Variants in PXK observed in about 807,000 individuals in gnomAD.
The protein encoded by PXK is PX domain containing serine/threonine kinase like.
In PXK, 35 loss-of-function variants were observed where a neutral mutation model predicts 84.7. The observed-to-expected ratio is 0.41, with a 90% CI of 0.32 to 0.55. PXK has a LOEUF of 0.55. Ranked by LOEUF, PXK falls within the 20% of genes least tolerant of loss-of-function variation. The pLI is 0.21. For missense variants in PXK, 634 were observed against 699.7 expected, an observed-to-expected ratio of 0.91 and a Z score of 1.06; for synonymous variants, 253 against 260.8, an observed-to-expected ratio of 0.97 and a Z score of 0.29.
chr3:58,384,379 T>C (rs1175141878), intron 4 of PXK, among the ~76,000 whole-genome samples: 1 of 152,180 alleles, frequency 6.6e-6, no homozygotes, highest in Non-Finnish European at 1.5e-5. Context: ...GAAAATGCCT[T>C]TCTAGAGTGT....
chr3:58,365,825 A>T, intron 1 of PXK, 49 bp from the exon 2 acceptor site: 1 of 1,393,334 alleles, frequency 7.2e-7, no homozygotes, highest in South Asian at 1.4e-5. Context: ...TGCTTTGGGA[A>T]TCAAACTCAG....
chr3:58,420,150 T>A (rs964046292), intron 17 of PXK, among the ~76,000 whole-genome samples: 7 of 152,266 alleles, frequency 4.6e-5, no homozygotes, highest in African/African-American at 1.7e-4. Flanking sequence ...ATAATAGAAC[T>A]AAGCACACTC....
At chr3:58,395,514 C>T (rs1265325178) in intron 8 of PXK, 144 bp from the exon 9 acceptor site, 4 of 631,572 alleles carry the variant, frequency 6.3e-6, no homozygotes, top group Admixed American at 6.0e-5. Flanking sequence ...ACAATGCAGA[C>T]TGTCGTATTT....
chr3:58,394,021 C>G (rs1157869632), intron 7 of PXK, among the ~76,000 whole-genome samples: 1 of 152,094 alleles, frequency 6.6e-6, no homozygotes, highest in Non-Finnish European at 1.5e-5. Flanking sequence ...TTGACTTGTA[C>G]AGTTTAAATG....
chr3:58,399,665 G>A lies in PXK; in HGVS notation c.1181+288G>A, dbSNP rs2058269577. On this transcript the variant is annotated intron_variant, in intron 12 of 17. Transcript: ENST00000356151. This position sits in a 1 kb window ranked among gnomAD's most constrained non-coding sequence, Gnocchi z 4.3. The stretch of plus-strand genomic sequence containing the variant: ...ACATTAGCATTGGGTGTGCGTATGT[G>A]TCGCAGCCCCCAGCTTAGGAAATAC... 6.6e-6 allele frequency among the ~76,000 whole-genome samples: 1 copy of A among 152,144 alleles called. No individual in the cohort carries two copies. Among genetic ancestry groups the A allele is most frequent in the Non-Finnish European group, 1.5e-5 (1 of 68,022 alleles).
In PXK at chr3:58,373,355, G is replaced by A. The variant is rs141545315; in HGVS notation, c.201+3877G>A. 2.4e-4 allele frequency among the ~76,000 whole-genome samples: 37 copies of A among 152,288 alleles called. 1 individual carries two copies. The East Asian group carries it at 3.7e-3, about 15-fold the overall frequency. ...CTCCCAAAGTGCTGGGATTACAGGCGTGAGCCACAGCGCCTGGCCGAGTCC... is the reference window on the plus strand; with the variant it reads ...CTCCCAAAGTGCTGGGATTACAGGCATGAGCCACAGCGCCTGGCCGAGTCC... On this transcript the variant is annotated intron_variant, in intron 3 of 17. Coordinates refer to ENST00000356151, the MANE Select transcript of PXK (RefSeq NM_017771.5).
intron 1 of PXK, among the ~76,000 whole-genome samples, chr3:58,360,210 A>G (rs762081263): frequency 7.2e-4 from 109 of 152,340 alleles, no homozygotes; most frequent in Middle Eastern, 3.4e-3. Context: ...ATATAAAACC[A>G]TGCCAAGTAC....
chr3:58,340,309 G>A lies in PXK; in HGVS notation c.102+7219G>A, dbSNP rs140914212. 4.8e-4 allele frequency among the ~76,000 whole-genome samples: 73 copies of A among 150,658 alleles called. 1 individual carries two copies. The highest frequency in any genetic ancestry group is 1.8e-3 in the African/African-American group (72 of 41,100). ...GGCTAATTTTTAAATTTTCTGTCGA[G>A]ACAGGGCCTCCCCATGTTGCCCAGG... On this transcript the variant is annotated intron_variant, in intron 1 of 17. Transcript: ENST00000356151.
chr3:58,375,422 A>G (rs2098433266), intron 3 of PXK, among the ~76,000 whole-genome samples: 1 of 152,218 alleles, frequency 6.6e-6, no homozygotes, highest in Admixed American at 6.5e-5. Context: ...ACTCCTAGAA[A>G]TGGTTATTGT....
chr3:58,424,827 C>T lies in PXK; in HGVS notation c.1604C>T (p.Ala535Val), dbSNP rs34579268. The change falls in exon 18 of 18, where the codon GCA (alanine) becomes GTA (valine). Residue 535 changes from alanine (A) to valine (V), a missense_variant. Coordinates refer to ENST00000356151, the MANE Select transcript of PXK (RefSeq NM_017771.5). ...CCCTTGCCTCCTGCGAGCACCGAGG[C>T]ACCTGCCCAGCTCTCGTCTCAGGCT... ...AAPLPPASTE[A>V]PAQLSSQAVN... is the part of the protein sequence containing the mutation. The T allele has an allele frequency of 0.34, 544,053 of 1,613,868 alleles. 97,768 individuals carry two copies. Among genetic ancestry groups the T allele is most frequent in the Middle Eastern group, 0.4 (2,446 of 6,062 alleles).
At chr3:58,347,037 C>T (rs1489465752) in intron 1 of PXK, among the ~76,000 whole-genome samples, 2 of 152,226 alleles carry the variant, frequency 1.3e-5, no homozygotes, top group Middle Eastern at 3.4e-3. Flanking sequence ...GATGGGGTTT[C>T]ACCATGTTGG....
chr3:58,346,665 CT>C (rs902609441), intron 1 of PXK, among the ~76,000 whole-genome samples: 64 of 146,144 alleles, frequency 4.4e-4, no homozygotes, highest in East Asian at 7.9e-4. Context: ...TTTTTCTTTT[CT>C]TTTTTTTTTT....
At chr3:58,359,582 T>C (rs2098145674) in intron 1 of PXK, among the ~76,000 whole-genome samples, 1 of 150,958 alleles carries the variant, frequency 6.6e-6, no homozygotes, top group African/African-American at 2.4e-5. Context: ...AAGCAATCGA[T>C]GCGCAAAGTG....
In PXK at chr3:58,364,486, C is replaced by T. The variant is rs561428843; in HGVS notation, c.103-1388C>T. 1.3e-5 allele frequency among the ~76,000 whole-genome samples: 2 copies of T among 152,046 alleles called. No homozygotes were observed. Among genetic ancestry groups the T allele is most frequent in the African/African-American group, 2.4e-5 (1 of 41,476 alleles). On this transcript the variant is annotated intron_variant, in intron 1 of 17. Transcript: ENST00000356151. The surrounding 1 kb of genome is among the most constrained non-coding windows in gnomAD (Gnocchi z 4.3). ...CAGCACTTTGGGAGGCCGAGGTGGGCGGATTACTTGAGGTCAGGAGTTCGA... is the reference window on the plus strand; with the variant it reads ...CAGCACTTTGGGAGGCCGAGGTGGGTGGATTACTTGAGGTCAGGAGTTCGA...
chr3:58,357,292 A>C (rs927486566), intron 1 of PXK, among the ~76,000 whole-genome samples: 1 of 151,654 alleles, frequency 6.6e-6, no homozygotes, highest in African/African-American at 2.4e-5. Context: ...AAAAAAAAAC[A>C]AAAACTAAGA....
At chr3:58,423,350 T>C in intron 17 of PXK, 1 of 1,476,300 alleles carries the variant, frequency 6.8e-7, no homozygotes, top group Non-Finnish European at 9.1e-7. Context: ...GTAGAACCAA[T>C]GAACATGTTG....
Position 58,395,696 on chromosome 3 carries a change from C to A in PXK, c.759C>A (p.Asn253Lys), listed in dbSNP as rs760810481. 2 of 1,613,808 alleles carry A rather than the reference C, an allele frequency of 1.2e-6. No individual in the cohort carries two copies. The highest frequency in any genetic ancestry group is 3.3e-5 in the Admixed American group (2 of 59,992). ...ACCCATTTCTAAAGAAGTACTGCAACCCTAAGAAGATTCAGGGCCTGGAAC... is the reference window on the plus strand; with the variant it reads ...ACCCATTTCTAAAGAAGTACTGCAAACCTAAGAAGATTCAGGGCCTGGAAC... Reference protein sequence around the residue: ...PKDPFLKKYCNPKKIQGLELQ... With the variant: ...PKDPFLKKYCKPKKIQGLELQ... The change falls in exon 9 of 18, where the codon AAC (asparagine) becomes AAA (lysine). Residue 253 changes from asparagine to lysine, a missense_variant. Asn to Lys is a moderately conservative substitution (Grantham distance 94). Coordinates refer to ENST00000356151, the MANE Select transcript of PXK (RefSeq NM_017771.5).
chr3:58,373,412 G>A (rs1349872081), intron 3 of PXK, among the ~76,000 whole-genome samples: 1 of 152,060 alleles, frequency 6.6e-6, no homozygotes, highest in Non-Finnish European at 1.5e-5. Context: ...CACTTTCGCC[G>A]CTGAAATAAA....
At chr3:58,378,512 T>TTTGTGTGTGTGTG (rs763961222) in intron 3 of PXK, among the ~76,000 whole-genome samples, 2 of 29,094 alleles carry the variant, frequency 6.9e-5, no homozygotes, top group Non-Finnish European at 6.2e-5. Context: ...TTTTTTTTTT[T>TTTGTGTGTGTGTG]TGTGTGTGTG....
Sources: allele counts gnomAD v4.1 joint callset (sites outside exome capture counted in the v4.1 genomes callset), GRCh38; gene constraint gnomAD v4.1.1; non-coding constraint Gnocchi (gnomAD v3.1); transcripts MANE v1.5; gene names NCBI Gene and HGNC (gene_info 2026-07-23, HGNC 2026-07-21).